The following TENM2 variants were observed in gnomAD, a reference collection of about 807,000 sequenced individuals.
The protein encoded by TENM2 is teneurin transmembrane protein 2.
In TENM2, 52 loss-of-function variants were observed where a neutral mutation model predicts 245.2. That is an observed-to-expected ratio of 0.21 (90% CI 0.17 to 0.27). The LOEUF is 0.27. Among genes scored for constraint, TENM2 ranks in the 10% least tolerant of loss-of-function variants. The pLI is 1.00. For missense variants in TENM2, 3,046 were observed against 3,666.8 expected (o/e 0.83, Z 4.37); for synonymous variants, 1,363 against 1,438.9 (o/e 0.95, Z 1.19).
chr5:167,405,641 A>G (rs1342003580), intron 2 of TENM2, among the ~76,000 whole-genome samples: 1 of 151,874 alleles, frequency 6.6e-6, no homozygotes, highest in Non-Finnish European at 1.5e-5. Flanking sequence ...TCTGCAAAAG[A>G]TTCAGCAAAG....
rs139824996 is a variant in TENM2 at position 167,574,681 on chromosome 5, A to C, written c.502+199208A>C. Among the ~76,000 whole-genome samples the C allele has an allele frequency of 1.6e-4, 25 of 152,308 alleles. No homozygotes were observed. In the East Asian group the frequency reaches 4.6e-3, roughly 28 times the overall value. The stretch of plus-strand genomic sequence containing the variant: ...ATAATTAGGAGAACTGAATTATGAC[A>C]GTTTGAAATGGGAGTTAACTCTGGA... On this transcript the variant is annotated intron_variant, in intron 2 of 28. Coordinates refer to ENST00000518659, the Ensembl canonical transcript of TENM2.
the TENM2 span, among the ~76,000 whole-genome samples, chr5:167,110,656 G>A: frequency 6.6e-6 from 1 of 152,174 alleles, no homozygotes; most frequent in Admixed American, 6.5e-5. Context: ...TGGACTCCAT[G>A]TCTGCCACTC....
the TENM2 span, among the ~76,000 whole-genome samples, chr5:167,106,680 G>A: frequency 6.6e-6 from 1 of 152,092 alleles, no homozygotes; most frequent in South Asian, 2.1e-4. Context: ...CCTAGGCAGG[G>A]TGCACTTTGG....
intron 1 of TENM2, among the ~76,000 whole-genome samples, chr5:167,316,026 A>C (rs529625715): frequency 6.6e-6 from 1 of 152,200 alleles, no homozygotes; most frequent in East Asian, 1.9e-4. Flanking sequence ...CTCAAACATT[A>C]TCTCTTCCTG....
At chr5:166,986,925 T>C in the TENM2 span, among the ~76,000 whole-genome samples, 5 of 151,710 alleles carry the variant, frequency 3.3e-5, no homozygotes, top group African/African-American at 1.2e-4. Flanking sequence ...TTTTTTTTTA[T>C]ATTTGTTGTA....
At chr5:167,579,376 C>T (rs192771985) in intron 2 of TENM2, among the ~76,000 whole-genome samples, 104 of 152,296 alleles carry the variant, frequency 6.8e-4, no homozygotes, top group African/African-American at 2.3e-3. Context: ...CCATAACATA[C>T]ACATTTTTAT....
intron 2 of TENM2, among the ~76,000 whole-genome samples, chr5:167,423,933 G>A (rs534337386): frequency 3.3e-5 from 5 of 152,216 alleles, no homozygotes; most frequent in East Asian, 1.9e-4. Flanking sequence ...AATGTCCTGC[G>A]CTAATGGTAG....
chr5:167,956,112 G>T (rs1780537017), intron 4 of TENM2, among the ~76,000 whole-genome samples: 1 of 152,188 alleles, frequency 6.6e-6, no homozygotes, highest in Non-Finnish European at 1.5e-5. Flanking sequence ...AGCATGGAAT[G>T]TTTTTCCATT....
chr5:167,780,770 C>T (rs1206288759), intron 2 of TENM2, among the ~76,000 whole-genome samples: 1 of 152,186 alleles, frequency 6.6e-6, no homozygotes, highest in Non-Finnish European at 1.5e-5. Context: ...AGGCACCTAA[C>T]TCTGTGTTTC....
intron 5 of TENM2, among the ~76,000 whole-genome samples, chr5:168,002,042 C>G (rs1339808455): frequency 6.6e-6 from 1 of 152,186 alleles, no homozygotes; most frequent in Non-Finnish European, 1.5e-5. Context: ...TATTATCCTC[C>G]CTTCTGGGAA....
chr5:168,085,376 G>A (rs982143605), intron 7 of TENM2: 2 of 152,166 alleles, frequency 1.3e-5, no homozygotes, highest in African/African-American at 4.8e-5. Context: ...ATTCTTGCCT[G>A]TGGAGCCTGG....
Position 167,728,950 on chromosome 5 carries a change from G to A in TENM2, c.503-147036G>A, listed in dbSNP as rs144983984. On this transcript the variant is annotated intron_variant, in intron 2 of 28. Coordinates refer to ENST00000518659, the Ensembl canonical transcript of TENM2. ...TTCAAATGTGGACACAAGCTCCTAC[G>A]AAGGCAAACACTTGTCATTTAAAGG... 7 of 152,348 alleles carry A rather than the reference G, an allele frequency of 4.6e-5. No individual in the cohort carries two copies. The East Asian group carries it at 1.4e-3, about 29-fold the overall frequency. The allele number at this position is 152,348 out of a possible 1,614,324, so 9.4% of individuals were successfully genotyped here.
chr5:168,226,835 T>C (rs1764232591), intron 24 of TENM2, among the ~76,000 whole-genome samples: 1 of 152,186 alleles, frequency 6.6e-6, no homozygotes, highest in Admixed American at 6.5e-5. Context: ...GCACTGGGGC[T>C]GGCAAGAAAA....
At chr5:167,663,671 A>G (rs1257776935) in intron 2 of TENM2, among the ~76,000 whole-genome samples, 2 of 151,358 alleles carry the variant, frequency 1.3e-5, no homozygotes, top group East Asian at 3.9e-4. Flanking sequence ...TGCACAAGAT[A>G]TTTTCATTTT....
intron 5 of TENM2, among the ~76,000 whole-genome samples, chr5:168,019,255 G>A (rs1386331086): frequency 6.6e-6 from 1 of 152,220 alleles, no homozygotes; most frequent in African/African-American, 2.4e-5. Context: ...CATGCCATAA[G>A]AATGTGTATT....
intron 2 of TENM2, among the ~76,000 whole-genome samples, chr5:167,543,549 CTCT>C (rs760976280): frequency 3.3e-4 from 50 of 152,120 alleles, no homozygotes; most frequent in Non-Finnish European, 5.1e-4. Context: ...AAGGATTTTT[CTCT>C]TCTTTGCAAA....
intron 2 of TENM2, among the ~76,000 whole-genome samples, chr5:167,469,885 A>C (rs2127507829): frequency 6.6e-6 from 1 of 152,202 alleles, no homozygotes; most frequent in South Asian, 2.1e-4. Flanking sequence ...TTTCAGAAAA[A>C]TTGCAAATGT....
the TENM2 span, among the ~76,000 whole-genome samples, chr5:167,062,240 G>A: frequency 6.6e-6 from 1 of 151,904 alleles, no homozygotes; most frequent in Non-Finnish European, 1.5e-5. Context: ...ATCTTCTTTA[G>A]TATGGAATGT....
At chr5:167,552,822 C>G (rs191042194) in intron 2 of TENM2, among the ~76,000 whole-genome samples, 2 of 152,298 alleles carry the variant, frequency 1.3e-5, no homozygotes, top group Non-Finnish European at 1.5e-5. Context: ...CATTGCCCCT[C>G]ATGGTTGCAT....
Sources: allele counts gnomAD v4.1 joint callset (sites outside exome capture counted in the v4.1 genomes callset), GRCh38; gene constraint gnomAD v4.1.1; transcripts MANE v1.5; gene names NCBI Gene and HGNC (gene_info 2026-07-23, HGNC 2026-07-21).